CHST11: variants seen among roughly 807,000 people sequenced by gnomAD.
CHST11 encodes the protein carbohydrate sulfotransferase 11.
Under a neutral mutation model 30.4 loss-of-function variants are expected in CHST11, and 9 were observed. That is an observed-to-expected ratio of 0.30 (90% CI 0.18 to 0.52). The LOEUF (loss-of-function observed/expected upper bound fraction) is 0.52, where lower values mean the gene tolerates loss of function less well. CHST11 is among the 20% of genes least tolerant of loss of function. CHST11 has a pLI of 0.97. For synonymous variants in CHST11, 152 were observed against 187.8 expected (o/e 0.81, Z 1.56); for missense variants, 348 against 460.6 (o/e 0.76, Z 2.24).
chr12:104,478,639 A>G (rs980257769), intron 1 of CHST11, among the ~76,000 whole-genome samples: 8 of 152,298 alleles, frequency 5.3e-5, no homozygotes, highest in African/African-American at 1.7e-4. Flanking sequence ...GTTCCTGTTA[A>G]CAGCTGAGTA....
At chr12:104,498,875 G>C (rs1011219146) in intron 1 of CHST11, among the ~76,000 whole-genome samples, 4 of 152,210 alleles carry the variant, frequency 2.6e-5, no homozygotes, top group African/African-American at 9.7e-5. Context: ...GGAGAGAGGA[G>C]TTGTTTTTGT....
intron 1 of CHST11, among the ~76,000 whole-genome samples, chr12:104,544,301 A>G (rs1174181540): frequency 6.6e-6 from 1 of 152,206 alleles, no homozygotes; most frequent in Non-Finnish European, 1.5e-5. Flanking sequence ...TAATGAGCAT[A>G]GTTAAGGATA....
intron 1 of CHST11, among the ~76,000 whole-genome samples, chr12:104,573,638 G>C (rs1439721440): frequency 2.6e-5 from 4 of 152,210 alleles, no homozygotes; most frequent in Non-Finnish European, 5.9e-5. Flanking sequence ...AAATGGTGCT[G>C]GGAAAACTGG....
intron 1 of CHST11, among the ~76,000 whole-genome samples, chr12:104,480,962 T>C (rs75134577): frequency 0.01 from 1,564 of 152,314 alleles, 31 homozygotes; most frequent in African/African-American, 0.036. Context: ...TTTCTTGCCT[T>C]GACCCAGTAG....
chr12:104,576,983 T>A (rs1327066573), intron 1 of CHST11, among the ~76,000 whole-genome samples: 5 of 151,642 alleles, frequency 3.3e-5, no homozygotes, highest in Non-Finnish European at 7.4e-5. Context: ...GGGGTGAGGG[T>A]GCCAGGAACA....
intron 1 of CHST11, among the ~76,000 whole-genome samples, chr12:104,484,043 C>A (rs1281388996): frequency 6.6e-6 from 1 of 152,218 alleles, no homozygotes; most frequent in Non-Finnish European, 1.5e-5. Context: ...ACATAGTCAC[C>A]TGCATCTAGG....
intron 2 of CHST11, among the ~76,000 whole-genome samples, chr12:104,621,814 AAACT>A (rs2039161787): frequency 6.6e-6 from 1 of 152,222 alleles, no homozygotes; most frequent in Admixed American, 6.5e-5. Context: ...CGGCAATAGA[AAACT>A]AACATGCACA....
At chr12:104,484,797 TG>T in intron 1 of CHST11, among the ~76,000 whole-genome samples, 1 of 152,212 alleles carries the variant, frequency 6.6e-6, no homozygotes, top group Admixed American at 6.5e-5. Context: ...TAATGAATGT[TG>T]GCAGGTGGGA....
At chr12:104,492,122 A>T (rs1425536732) in intron 1 of CHST11, among the ~76,000 whole-genome samples, 1 of 151,990 alleles carries the variant, frequency 6.6e-6, no homozygotes, top group Non-Finnish European at 1.5e-5. Flanking sequence ...TTAGAGATGG[A>T]GTCTCGCTCT....
chr12:104,750,454 T>TG (rs2040421686), intron 2 of CHST11, among the ~76,000 whole-genome samples: 1 of 122,162 alleles, frequency 8.2e-6, no homozygotes, highest in African/African-American at 3.4e-5. Flanking sequence ...TTTTTTTTTT[T>TG]TTGTTGAGAC....
At chr12:104,748,580 C>A (rs554437451) in intron 2 of CHST11, among the ~76,000 whole-genome samples, 2 of 150,498 alleles carry the variant, frequency 1.3e-5, no homozygotes, top group African/African-American at 4.9e-5. Context: ...GAAGAGACAC[C>A]TGGGGAGTGG....
At chr12:104,601,285 G>C (rs942241264) in intron 1 of CHST11, among the ~76,000 whole-genome samples, 35 of 152,200 alleles carry the variant, frequency 2.3e-4, no homozygotes, top group Admixed American at 1.4e-3. Flanking sequence ...GGTTTGAGGA[G>C]TTCACTTATT....
At chr12:104,487,295 A>G (rs1218718329) in intron 1 of CHST11, among the ~76,000 whole-genome samples, 3 of 152,164 alleles carry the variant, frequency 2.0e-5, no homozygotes, top group East Asian at 3.8e-4. Context: ...ACAGGGTCTC[A>G]CTGTCTTCCA....
chr12:104,633,311 A>C (rs1592806186), intron 2 of CHST11, among the ~76,000 whole-genome samples: 2 of 151,726 alleles, frequency 1.3e-5, no homozygotes, highest in Non-Finnish European at 2.9e-5. Flanking sequence ...GGCACACATT[A>C]TTCTATGAAT....
chr12:104,525,300 T>G (rs2038114600), intron 1 of CHST11, among the ~76,000 whole-genome samples: 1 of 152,196 alleles, frequency 6.6e-6, no homozygotes, highest in South Asian at 2.1e-4. Context: ...TCTTAAGAGA[T>G]ATTTTTAAAC....
rs370845732 is a variant in CHST11, at chr12:104,651,083, A to T, written c.204+49092A>T. ...AGCCAAGCCAACCTTTGATACCCAG[A>T]CGTTTTCAAGACCCTCAGTCTGGTG... On this transcript the variant is annotated intron_variant, in intron 2 of 2. Coordinates refer to ENST00000303694, the MANE Select transcript of CHST11 (RefSeq NM_018413.6). Among the ~76,000 whole-genome samples the T allele has an allele frequency of 2.8e-4, 42 of 152,350 alleles. No individual in the cohort carries two copies. In the East Asian group the frequency reaches 5.0e-3, roughly 18 times the overall value.
At chr12:104,556,662 C>T (rs1351083061) in intron 1 of CHST11, among the ~76,000 whole-genome samples, 3 of 152,166 alleles carry the variant, frequency 2.0e-5, no homozygotes, top group Non-Finnish European at 4.4e-5. Flanking sequence ...TGTCTTCCTT[C>T]CATGTGTGTC....
rs150232524 is a variant in CHST11, at chr12:104,618,748, T to C, written c.204+16757T>C. On this transcript the variant is annotated intron_variant, in intron 2 of 2. Coordinates refer to ENST00000303694, the MANE Select transcript of CHST11 (RefSeq NM_018413.6). Reference sequence around the variant, plus strand: ...TTCCCCATTTTACAGATGAGGCACCTGAGGCATAGAGAGGCGTTTTGTTGT... The same window carrying C: ...TTCCCCATTTTACAGATGAGGCACCCGAGGCATAGAGAGGCGTTTTGTTGT... 8.6e-3 allele frequency among the ~76,000 whole-genome samples: 1,310 copies of C among 152,266 alleles called. 36 individuals carry two copies. The highest frequency in any genetic ancestry group is 0.046 in the East Asian group (240 of 5,184).
At chr12:104,714,583 G>A (rs372767017) in intron 2 of CHST11, among the ~76,000 whole-genome samples, 25 of 151,918 alleles carry the variant, frequency 1.6e-4, no homozygotes, top group African/African-American at 5.6e-4. Flanking sequence ...TGATGGTGAC[G>A]GTGATGATGA....
Sources: allele counts gnomAD v4.1 joint callset (sites outside exome capture counted in the v4.1 genomes callset), GRCh38; gene constraint gnomAD v4.1.1; transcripts MANE v1.5; gene names NCBI Gene and HGNC (gene_info 2026-07-23, HGNC 2026-07-21).